UBE2L3: variants seen among roughly 807,000 people sequenced by gnomAD.
The protein encoded by UBE2L3 is ubiquitin-conjugating enzyme E2 L3.
In UBE2L3, 1 loss-of-function variant was observed where a neutral mutation model predicts 17.8. That is an observed-to-expected ratio of 0.06 (90% CI 0.02 to 0.27). UBE2L3 has a LOEUF of 0.27. UBE2L3 is among the 10% of genes least tolerant of loss of function. The pLI is 1.00. For missense variants in UBE2L3, 40 were observed against 192.6 expected (o/e 0.21, Z 4.69); for synonymous variants, 44 against 68.5 (o/e 0.64, Z 1.76).
chr22:21,623,056 CGT>C lies in UBE2L3; in HGVS notation c.*1392_*1393del, dbSNP rs1222217608. 2 of 152,350 alleles carry C rather than the reference CGT, an allele frequency of 1.3e-5. No homozygotes were observed. The highest frequency in any genetic ancestry group is 2.9e-5 in the Non-Finnish European group (2 of 68,044). 9.4% of individuals were successfully genotyped at this position (152,350 alleles called of 1,614,324 possible). ...CCAAGGAAGCCGACGATCCAAATGC[CGT>C]GTGTCACCAACCCCGCTTCTGCCAC... On this transcript the variant is annotated 3_prime_UTR_variant, in exon 4 of 4. Transcript: ENST00000342192.
chr22:21,572,431 A>AG (rs1238298573), intron 1 of UBE2L3, among the ~76,000 whole-genome samples: 1 of 150,988 alleles, frequency 6.6e-6, no homozygotes, highest in Non-Finnish European at 1.5e-5. Flanking sequence ...TCAAAAAAAA[A>AG]AAAAAAAAAA....
intron 1 of UBE2L3, among the ~76,000 whole-genome samples, chr22:21,585,228 C>T (rs183289890): frequency 4.6e-5 from 7 of 152,250 alleles, no homozygotes; most frequent in East Asian, 1.9e-4. Flanking sequence ...GTGGCCTGGA[C>T]GCTAAACATG....
intron 1 of UBE2L3, among the ~76,000 whole-genome samples, chr22:21,583,686 A>C (rs376992876): frequency 2.2e-4 from 34 of 152,170 alleles, no homozygotes; most frequent in African/African-American, 7.9e-4. Context: ...TGCCCCACCC[A>C]TTTGAGTATC....
intron 1 of UBE2L3, among the ~76,000 whole-genome samples, chr22:21,558,656 A>AT (rs131646): frequency 5.6e-3 from 820 of 146,358 alleles, no homozygotes; most frequent in African/African-American, 7.4e-3. Context: ...AAAACACTTA[A>AT]TTTTTTTTTT....
chr22:21,585,981 G>C (rs562594159), intron 1 of UBE2L3, among the ~76,000 whole-genome samples: 1 of 152,278 alleles, frequency 6.6e-6, no homozygotes, highest in Non-Finnish European at 1.5e-5. Context: ...TGTTGACCAG[G>C]CTGGAGTGTA....
intron 2 of UBE2L3, among the ~76,000 whole-genome samples, chr22:21,594,803 C>T (rs185561975): frequency 5.9e-5 from 9 of 152,164 alleles, no homozygotes; most frequent in East Asian, 3.9e-4. Flanking sequence ...TGAAGATGGC[C>T]GGGACCATCT....
intron 1 of UBE2L3, among the ~76,000 whole-genome samples, chr22:21,571,916 G>T (rs1926989747): frequency 6.6e-6 from 1 of 152,126 alleles, no homozygotes; most frequent in Non-Finnish European, 1.5e-5. Context: ...GAGGTGAGGG[G>T]AGTTTTATAT....
At chr22:21,598,541 CT>C (rs60333124) in intron 2 of UBE2L3, among the ~76,000 whole-genome samples, 10,751 of 128,994 alleles carry the variant, frequency 0.083, 1,276 homozygotes, top group African/African-American at 0.27. Flanking sequence ...TTTCCCTTTC[CT>C]TTTTTTTTTT....
chr22:21,606,303 CGTGT>C (rs1929157637), intron 2 of UBE2L3, among the ~76,000 whole-genome samples: 1 of 132,798 alleles, frequency 7.5e-6, no homozygotes, highest in Non-Finnish European at 1.7e-5. Context: ...TGCGCGCGCG[CGTGT>C]GTGTGGTATG....
At chr22:21,600,477 C>T (rs1928796269) in intron 2 of UBE2L3, among the ~76,000 whole-genome samples, 1 of 152,132 alleles carries the variant, frequency 6.6e-6, no homozygotes, top group African/African-American at 2.4e-5. Flanking sequence ...AGGCGGATCA[C>T]TTGAGGTCGG....
chr22:21,587,034 C>T (rs1350375121), intron 1 of UBE2L3, among the ~76,000 whole-genome samples: 1 of 151,234 alleles, frequency 6.6e-6, no homozygotes, highest in African/African-American at 2.4e-5. Context: ...TACAGGCATG[C>T]ACCCCTATGC....
Position 21,570,375 on chromosome 22 carries a change from G to C in UBE2L3, c.27+2604G>C, listed in dbSNP as rs144439524. On this transcript the variant is annotated intron_variant, in intron 1 of 3. Coordinates refer to ENST00000342192, the MANE Select transcript of UBE2L3 (RefSeq NM_003347.4). ...TAACTGAGTATTTATTAAGTATTAG[G>C]TTATTTACGTAAGTCATCTTTTCAA... 2.5e-4 allele frequency among the ~76,000 whole-genome samples: 38 copies of C among 152,282 alleles called. No homozygotes were observed. The East Asian group carries it at 7.3e-3, about 29-fold the overall frequency.
chr22:21,593,622 CCCCTT>C (rs2148423369), intron 2 of UBE2L3, among the ~76,000 whole-genome samples: 1 of 152,248 alleles, frequency 6.6e-6, no homozygotes, highest in South Asian at 2.1e-4. Context: ...TTGATCCCCT[CCCCTT>C]CAAGAGGCTT....
chr22:21,609,158 A>G (rs1300378517), intron 2 of UBE2L3, among the ~76,000 whole-genome samples: 1 of 152,020 alleles, frequency 6.6e-6, no homozygotes, highest in Admixed American at 6.6e-5. Context: ...TGGCCTCCCA[A>G]AGTGCTGGGA....
At chr22:21,598,211 T>TGTGTGTGTG (rs1555885650) in intron 2 of UBE2L3, among the ~76,000 whole-genome samples, 1 of 98,114 alleles carries the variant, frequency 1.0e-5, no homozygotes, top group African/African-American at 3.1e-5. Context: ...GTGTGTGTGT[T>TGTGTGTGTG]TTTCATTTAT....
chr22:21,604,678 A>G (rs543091017), intron 2 of UBE2L3, among the ~76,000 whole-genome samples: 2 of 152,236 alleles, frequency 1.3e-5, no homozygotes, highest in East Asian at 1.9e-4. Context: ...GTTTAGCTCT[A>G]ATGTTGAAAT....
upstream of UBE2L3, among the ~76,000 whole-genome samples, chr22:21,563,273 C>T (rs192490175): frequency 0.011 from 1,585 of 139,014 alleles, 30 homozygotes; most frequent in African/African-American, 0.041. Flanking sequence ...TATTACTGGC[C>T]GGGTGTGGTG....
intron 1 of UBE2L3, among the ~76,000 whole-genome samples, chr22:21,562,288 G>C (rs1477513049): frequency 6.6e-6 from 1 of 150,492 alleles, no homozygotes; most frequent in Non-Finnish European, 1.5e-5. Context: ...TCCACCTCCC[G>C]GGTTCATGCC....
intron 1 of UBE2L3, among the ~76,000 whole-genome samples, chr22:21,580,946 A>G (rs987618415): frequency 6.7e-6 from 1 of 150,152 alleles, no homozygotes; most frequent in African/African-American, 2.5e-5. Context: ...TGGCATGATC[A>G]TAACTCATTA....
Sources: gnomAD v4.1 joint callset for allele counts (sites outside exome capture counted in the v4.1 genomes callset) on GRCh38, gnomAD v4.1.1 for gene constraint, MANE v1.5 for transcripts, NCBI Gene and HGNC (gene_info 2026-07-23, HGNC 2026-07-21) for gene names.